The following SYT14 variants were observed in gnomAD, a reference collection of about 807,000 sequenced individuals.
SYT14 encodes synaptotagmin-14.
In SYT14, 32 loss-of-function variants were observed where a neutral mutation model predicts 74.2. The ratio of observed to expected loss-of-function variants is 0.43; its 90% CI spans 0.33 to 0.58. The LOEUF (loss-of-function observed/expected upper bound fraction) is 0.58, where lower values mean the gene tolerates loss of function less well. Among genes scored for constraint, SYT14 ranks in the 20% least tolerant of loss-of-function variants. The pLI, the probability that SYT14 is intolerant of heterozygous loss-of-function variation, is 0.05. For missense variants in SYT14, 791 were observed against 981.8 expected, an observed-to-expected ratio of 0.81 and a Z score of 2.60; for synonymous variants, 298 against 337.7, an observed-to-expected ratio of 0.88 and a Z score of 1.29.
intron 5 of SYT14, among the ~76,000 whole-genome samples, chr1:210,064,912 CCTCGCCAACA>C (rs1473505390): frequency 2.6e-5 from 4 of 152,040 alleles, no homozygotes; most frequent in African/African-American, 9.7e-5. Context: ...TCCTCCACAC[CCTCGCCAACA>C]CTTGTTATTC....
intron 2 of SYT14, among the ~76,000 whole-genome samples, chr1:209,968,391 T>C (rs1054137405): frequency 2.0e-5 from 3 of 151,844 alleles, no homozygotes; most frequent in African/African-American, 7.2e-5. Flanking sequence ...ATATGGATAG[T>C]ACTCCATATG....
At chr1:210,032,458 T>C (rs904873485) in intron 5 of SYT14, among the ~76,000 whole-genome samples, 1 of 152,046 alleles carries the variant, frequency 6.6e-6, no homozygotes, top group African/African-American at 2.4e-5. Flanking sequence ...GTAGAAAGAT[T>C]CTTTACCACT....
At chr1:210,062,367 A>G (rs1417083907) in intron 5 of SYT14, among the ~76,000 whole-genome samples, 5 of 151,910 alleles carry the variant, frequency 3.3e-5, no homozygotes, top group African/African-American at 9.7e-5. Flanking sequence ...CTACAAATAT[A>G]AAAGATAGTG....
chr1:210,108,827 C>T lies in SYT14; in HGVS notation c.2034+8366C>T, dbSNP rs548795940. Reference sequence around the variant, plus strand: ...AGTGGACTGAAAGTCCCAAGGATATCAAGAAAGAGTTGTGAGAGGAGTAGC... The same window carrying T: ...AGTGGACTGAAAGTCCCAAGGATATTAAGAAAGAGTTGTGAGAGGAGTAGC... On this transcript the variant is annotated intron_variant, in intron 7 of 9. Transcript: ENST00000637265. Among the ~76,000 whole-genome samples, 16 of 152,122 alleles carry T rather than the reference C, an allele frequency of 1.1e-4. No individual in the cohort carries two copies. In the South Asian group the frequency reaches 3.3e-3, roughly 32 times the overall value.
rs1200192227 is a variant in SYT14, at chr1:209,968,073, A to C, written c.-486+15317A>C. On this transcript the variant is annotated intron_variant, in intron 2 of 9. Transcript: ENST00000637265. ...ATAATGCAGTGTTAGCTATTTCAGTATGTAAACAATCAGGTGAGACTGTAC... is the reference window on the plus strand; with the variant it reads ...ATAATGCAGTGTTAGCTATTTCAGTCTGTAAACAATCAGGTGAGACTGTAC... 3.3e-5 allele frequency among the ~76,000 whole-genome samples: 5 copies of C among 152,218 alleles called. No individual in the cohort carries two copies. In the East Asian group the frequency reaches 9.6e-4, roughly 29 times the overall value.
chr1:209,990,571 G>A (rs12739633), intron 2 of SYT14, among the ~76,000 whole-genome samples: 59 of 22,798 alleles, frequency 2.6e-3, no homozygotes, highest in East Asian at 8.4e-3. Context: ...GTATATATAT[G>A]TATGTATATT....
chr1:210,142,382 C>T (rs1270740400), intron 7 of SYT14, among the ~76,000 whole-genome samples: 1 of 152,108 alleles, frequency 6.6e-6, no homozygotes, highest in Non-Finnish European at 1.5e-5. Context: ...GTTCAGAGTT[C>T]TGAAAAAGTT....
chr1:209,999,407 T>C (rs2079853727), intron 2 of SYT14, among the ~76,000 whole-genome samples: 1 of 152,038 alleles, frequency 6.6e-6, no homozygotes, highest in Non-Finnish European at 1.5e-5. Flanking sequence ...TACTGGGTAT[T>C]TATCTGAGGG....
chr1:209,938,603 G>A (rs1052968618), intron 1 of SYT14, among the ~76,000 whole-genome samples: 53 of 152,102 alleles, frequency 3.5e-4, no homozygotes, highest in African/African-American at 1.3e-3. Flanking sequence ...GGAGGTCGGG[G>A]TGAGGCCCTG....
At chr1:209,992,725 T>G (rs1243808877) in intron 2 of SYT14, among the ~76,000 whole-genome samples, 1 of 151,756 alleles carries the variant, frequency 6.6e-6, no homozygotes, top group Non-Finnish European at 1.5e-5. Flanking sequence ...TTAAGAAAAC[T>G]GAAGGGGGGA....
At chr1:210,046,282 G>C (rs946526985) in intron 5 of SYT14, among the ~76,000 whole-genome samples, 7 of 152,164 alleles carry the variant, frequency 4.6e-5, no homozygotes, top group African/African-American at 1.4e-4. Flanking sequence ...GCTGAGGCAG[G>C]AGAATCGCTT....
chr1:209,944,057 G>A (rs533441099), intron 1 of SYT14, among the ~76,000 whole-genome samples: 3 of 152,204 alleles, frequency 2.0e-5, no homozygotes, highest in Non-Finnish European at 4.4e-5. Context: ...GACTATATTA[G>A]AATTGGTATT....
chr1:210,027,620 C>T (rs966859375), intron 5 of SYT14, among the ~76,000 whole-genome samples: 4 of 152,038 alleles, frequency 2.6e-5, no homozygotes, highest in Non-Finnish European at 5.9e-5. Flanking sequence ...TCCTGTTGTT[C>T]AAGGGTCAAC....
At chr1:210,039,576 C>A (rs1449086942) in intron 5 of SYT14, among the ~76,000 whole-genome samples, 1 of 152,166 alleles carries the variant, frequency 6.6e-6, no homozygotes, top group Non-Finnish European at 1.5e-5. Context: ...GCAAAAGAAA[C>A]TGTCATCAGA....
At chr1:209,951,974 G>A (rs55812882) in intron 1 of SYT14, among the ~76,000 whole-genome samples, 1 of 152,154 alleles carries the variant, frequency 6.6e-6, no homozygotes, top group Non-Finnish European at 1.5e-5. Context: ...GTACTTCTGG[G>A]GCACAAAGTA....
In SYT14 at chr1:210,085,401, A is replaced by G. The variant is rs572920906; in HGVS notation, c.1313-8921A>G. On this transcript the variant is annotated intron_variant, in intron 5 of 9. Transcript: ENST00000637265. ...CTTATTGCCCTGGCTAGGACCTTTA[A>G]TACATTGTTGACTAGAAGTGGTGAT... Among the ~76,000 whole-genome samples, 3 of 152,126 alleles carry G rather than the reference A, an allele frequency of 2.0e-5. No individual in the cohort carries two copies. The South Asian group carries it at 6.2e-4, about 32-fold the overall frequency.
At chr1:209,940,530 G>T (rs1417218939) in intron 1 of SYT14, among the ~76,000 whole-genome samples, 2 of 152,182 alleles carry the variant, frequency 1.3e-5, no homozygotes, top group Non-Finnish European at 2.9e-5. Context: ...AATGCTAAGA[G>T]ATGGATCATC....
At chr1:209,976,233 T>TG (rs2079361274) in intron 2 of SYT14, among the ~76,000 whole-genome samples, 1 of 151,666 alleles carries the variant, frequency 6.6e-6, no homozygotes, top group Admixed American at 6.6e-5. Context: ...AGTTATTTCT[T>TG]GCCTTCTGCT....
chr1:210,165,557 G>T (rs990678571), exon 10 of SYT14: 10 of 152,208 alleles, frequency 6.6e-5, no homozygotes, highest in Admixed American at 6.5e-4. Flanking sequence ...TCTATGAAGG[G>T]CATAACCTGT....
Sources: gnomAD v4.1 joint callset for allele counts (sites outside exome capture counted in the v4.1 genomes callset) on GRCh38, gnomAD v4.1.1 for gene constraint, MANE v1.5 for transcripts, NCBI Gene and HGNC (gene_info 2026-07-23, HGNC 2026-07-21) for gene names.